The following COPZ1 variants were observed in gnomAD, a reference collection of about 807,000 sequenced individuals.
The protein encoded by COPZ1 is coat protein complex I subunit zeta 1, also known as coatomer subunit zeta-1.
In COPZ1, 4 loss-of-function variants were observed where a neutral mutation model predicts 31.7. The observed-to-expected ratio is 0.13, with a 90% CI of 0.06 to 0.29. COPZ1 has a LOEUF of 0.29. COPZ1 is among the 10% of genes least tolerant of loss of function. The probability of loss-of-function intolerance (pLI) is 1.00; values close to 1 mark genes in which losing one functional copy is unlikely to be tolerated. For synonymous variants in COPZ1, 74 were observed against 79.0 expected (o/e 0.94, Z 0.33); for missense variants, 156 against 211.5 (o/e 0.74, Z 1.63).
In COPZ1 at chr12:54,343,275, G is replaced by A. The variant is rs746610011; in HGVS notation, c.220G>A (p.Asp74Asn). 6 of 1,613,942 alleles carry A rather than the reference G, an allele frequency of 3.7e-6. No individual in the cohort carries two copies. In the South Asian group the frequency reaches 5.5e-5, roughly 15 times the overall value. Reference sequence around the variant, plus strand: ...GACAGTGGTATACAAAAGCAGTATAGATCTCTATTTCTATGTGATTGGCAG... The same window carrying A: ...GACAGTGGTATACAAAAGCAGTATAAATCTCTATTTCTATGTGATTGGCAG... Reference protein sequence around the residue: ...GLTVVYKSSIDLYFYVIGSSY... With the variant: ...GLTVVYKSSINLYFYVIGSSY... The change falls in exon 4 of 9, where the codon GAT (aspartate) becomes AAT (asparagine). Residue 74 changes from aspartate (D) to asparagine (N), a missense_variant. Physicochemically the swap from Asp to Asn is conservative, Grantham distance 23. Transcript: ENST00000262061.
intron 1 of COPZ1, among the ~76,000 whole-genome samples, chr12:54,332,139 A>G (rs1012545507): frequency 6.6e-6 from 1 of 151,964 alleles, no homozygotes; most frequent in Admixed American, 6.6e-5. Flanking sequence ...CCTGACCAAC[A>G]TGGTGAAACC....
Position 54,339,045 on chromosome 12 carries a change from G to C in COPZ1, c.19-1502G>C, listed in dbSNP as rs1410885761. Among the ~76,000 whole-genome samples the C allele has an allele frequency of 3.9e-5, 6 of 152,018 alleles. No individual in the cohort carries two copies. The East Asian group carries it at 9.6e-4, about 24-fold the overall frequency. ...GTGTTTGGCTCCTGTGAGGACTGTG[G>C]GTTTCTTAAATAAGGCCAGGAAAGA... On this transcript the variant is annotated intron_variant, in intron 1 of 8. Coordinates refer to ENST00000262061, the MANE Select transcript of COPZ1 (RefSeq NM_016057.3).
chr12:54,336,745 C>T (rs1343479346), intron 1 of COPZ1, among the ~76,000 whole-genome samples: 5 of 151,568 alleles, frequency 3.3e-5, no homozygotes, highest in Non-Finnish European at 5.9e-5. Flanking sequence ...TGATTGAGGC[C>T]GGGCACGGTG....
intron 5 of COPZ1, among the ~76,000 whole-genome samples, chr12:54,347,157 T>C (rs1954078630): frequency 6.6e-6 from 1 of 152,186 alleles, no homozygotes; most frequent in Non-Finnish European, 1.5e-5. Flanking sequence ...TCCAGGTGAA[T>C]GAATAGTAAT....
chr12:54,337,067 C>G (rs570215978), intron 1 of COPZ1: 3 of 366,212 alleles, frequency 8.2e-6, no homozygotes, highest in Admixed American at 4.3e-5. Context: ...ATCAAAGATT[C>G]ATTTGCAGCA....
chr12:54,350,456 T>C lies in COPZ1; in HGVS notation c.487-20T>C. 6.2e-7 allele frequency: 1 copy of C among 1,613,034 alleles called. No individual in the cohort carries two copies. Among genetic ancestry groups the C allele is most frequent in the Non-Finnish European group, 8.5e-7 (1 of 1,179,028 alleles). On this transcript the variant is annotated intron_variant, in intron 8 of 8. Transcript: ENST00000262061. Reference sequence around the variant, plus strand: ...TGCCCTGTCAGCAAGCTTTCCTCAATGCTGCTCTTATCTCTGCAGGTGCTG... The same window carrying C: ...TGCCCTGTCAGCAAGCTTTCCTCAACGCTGCTCTTATCTCTGCAGGTGCTG...
At chr12:54,349,234 A>C (rs1400485622) in intron 7 of COPZ1, among the ~76,000 whole-genome samples, 1 of 151,900 alleles carries the variant, frequency 6.6e-6, no homozygotes, top group East Asian at 1.9e-4. Flanking sequence ...GATCCATTAA[A>C]CCACTCCTGG....
chr12:54,336,635 G>C (rs1053519142), intron 1 of COPZ1, among the ~76,000 whole-genome samples: 8 of 151,816 alleles, frequency 5.3e-5, no homozygotes, highest in African/African-American at 2.4e-5. Flanking sequence ...AGGCCCACAG[G>C]GGGCAGCACT....
intron 1 of COPZ1, among the ~76,000 whole-genome samples, chr12:54,335,644 G>A (rs912141134): frequency 1.3e-5 from 2 of 151,298 alleles, no homozygotes; most frequent in African/African-American, 4.9e-5. Flanking sequence ...TTTTTAAGTA[G>A]ACAATGAAGA....
At chr12:54,346,464 G>T (rs1011188229) in intron 5 of COPZ1, 2 of 502,434 alleles carry the variant, frequency 4.0e-6, no homozygotes, top group African/African-American at 2.0e-5. Flanking sequence ...GTGGAGACAG[G>T]GTTTTACCAT....
Position 54,349,555 on chromosome 12 carries a change from C to G in COPZ1, c.448-65C>G, listed in dbSNP as rs369473536. ...GGATCACTTTTTTCTTCTCTAATAC[C>G]AGACTCCAATCAGGTCTTACTCCAG... On this transcript the variant is annotated intron_variant, in intron 7 of 8. Transcript: ENST00000262061. 67 of 1,298,558 alleles carry G rather than the reference C, an allele frequency of 5.2e-5. 1 individual carries two copies. In the African/African-American group the frequency reaches 9.8e-4, roughly 19 times the overall value. 80.4% of individuals were successfully genotyped at this position (1,298,558 alleles called of 1,614,324 possible).
At chr12:54,339,388 C>G (rs1953931167) in intron 1 of COPZ1, among the ~76,000 whole-genome samples, 1 of 152,120 alleles carries the variant, frequency 6.6e-6, no homozygotes, top group Non-Finnish European at 1.5e-5. Context: ...CACTCTGTCA[C>G]CCAGCCTGGA....
At chr12:54,331,173 CTTTTTTT>C (rs1000222358) in intron 1 of COPZ1, among the ~76,000 whole-genome samples, 1 of 80,270 alleles carries the variant, frequency 1.2e-5, no homozygotes, top group Admixed American at 1.6e-4. Flanking sequence ...TTTTCACACT[CTTTTTTT>C]TTTTTTTTTT....
chr12:54,347,884 G>A (rs1161613380), intron 6 of COPZ1, 40 bp downstream of exon 6: 18 of 1,607,352 alleles, frequency 1.1e-5, no homozygotes, highest in East Asian at 2.2e-5. Flanking sequence ...GTGAGGTGGC[G>A]GGATAACTGC....
chr12:54,327,846 T>C (rs1953682446), intron 1 of COPZ1, among the ~76,000 whole-genome samples: 1 of 152,122 alleles, frequency 6.6e-6, no homozygotes, highest in African/African-American at 2.4e-5. Context: ...TTTTTGGAAG[T>C]TTTTAGACTT....
chr12:54,350,757 A>T lies in COPZ1; in HGVS notation c.*234A>T. 1 of 578,098 alleles carries T rather than the reference A, an allele frequency of 1.7e-6. No homozygotes were observed. The highest frequency in any genetic ancestry group is 3.1e-6 in the Non-Finnish European group (1 of 321,964). The allele number at this position is 578,098 out of a possible 1,614,324, so 35.8% of individuals were successfully genotyped here. A position where few individuals can be genotyped will look rare whatever the true frequency, so the allele number is the denominator to read the frequency against. On this transcript the variant is annotated 3_prime_UTR_variant, in exon 9 of 9. Transcript: ENST00000262061. ...TCCCAGCATATTTAGATAATAGGGC[A>T]GGGGAAGCACCCTCTTTCTTTCTAG...
intron 4 of COPZ1, chr12:54,345,215 T>TGACA: frequency 2.1e-6 from 1 of 468,646 alleles, no homozygotes; most frequent in South Asian, 2.7e-5. Context: ...TAGAGGACTG[T>TGACA]GACAGGGAAG....
chr12:54,334,437 T>C lies in COPZ1; in HGVS notation c.19-6110T>C, dbSNP rs115749468. Among the ~76,000 whole-genome samples the C allele has an allele frequency of 6.5e-3, 990 of 151,226 alleles. 13 individuals are homozygous for C. The highest frequency in any genetic ancestry group is 0.023 in the African/African-American group (952 of 41,234). On this transcript the variant is annotated intron_variant, in intron 1 of 8. Transcript: ENST00000262061. ...CTGTCTCAAAAAAAAAAATCTGATA[T>C]GTAAAAACTGCTCTTCCCTGTCAAA...
intron 1 of COPZ1, among the ~76,000 whole-genome samples, chr12:54,326,678 T>TGTGTGTAG (rs1555152207): frequency 1.4e-5 from 2 of 140,606 alleles, no homozygotes; most frequent in Non-Finnish European, 3.1e-5. Context: ...TGTGTGTGTG[T>TGTGTGTAG]GTAGGTAGGT....
Sources: allele counts gnomAD v4.1 joint callset (sites outside exome capture counted in the v4.1 genomes callset), GRCh38; gene constraint gnomAD v4.1.1; transcripts MANE v1.5; gene names NCBI Gene and HGNC (gene_info 2026-07-23, HGNC 2026-07-21).